The following HIPK2 variants were observed in gnomAD, a reference collection of about 807,000 sequenced individuals.
HIPK2 encodes the protein homeodomain-interacting protein kinase 2.
A neutral mutation model predicts 113.7 loss-of-function variants in HIPK2; 27 were observed. The ratio of observed to expected loss-of-function variants is 0.24; its 90% CI spans 0.17 to 0.33. HIPK2 has a LOEUF of 0.33. HIPK2 is among the 10% of genes least tolerant of loss of function. The pLI is 1.00. For synonymous variants in HIPK2, 631 were observed against 642.2 expected (o/e 0.98, Z 0.26); for missense variants, 1,257 against 1,588.0 (o/e 0.79, Z 3.54).
intron 2 of HIPK2, among the ~76,000 whole-genome samples, chr7:139,709,179 A>G (rs1223555741): frequency 6.6e-6 from 1 of 152,216 alleles, no homozygotes; most frequent in Non-Finnish European, 1.5e-5. Context: ...GTACGTATTT[A>G]TAACAGTCTC....
chr7:139,649,763 G>C (rs1801388933), intron 2 of HIPK2, among the ~76,000 whole-genome samples: 1 of 152,116 alleles, frequency 6.6e-6, no homozygotes, highest in Admixed American at 6.5e-5. Context: ...CCAAAGCAGG[G>C]ACTACTCTTT....
intron 1 of HIPK2, among the ~76,000 whole-genome samples, chr7:139,734,525 T>C (rs1276999307): frequency 6.6e-6 from 1 of 152,174 alleles, no homozygotes; most frequent in Admixed American, 6.5e-5. Flanking sequence ...AAATGGACTT[T>C]CCACACCCTG....
chr7:139,687,215 A>G (rs1308167212), intron 2 of HIPK2, among the ~76,000 whole-genome samples: 3 of 152,272 alleles, frequency 2.0e-5, no homozygotes, highest in Non-Finnish European at 4.4e-5. Context: ...AGCTGGGATT[A>G]AAGGTGCAAG....
At chr7:139,625,801 G>A (rs1569457552) in intron 6 of HIPK2, among the ~76,000 whole-genome samples, 1 of 152,182 alleles carries the variant, frequency 6.6e-6, no homozygotes, top group East Asian at 1.9e-4. Flanking sequence ...AAGCTCCAGT[G>A]GGCAGGGCCG....
At chr7:139,587,700 G>A (rs1270478107) in intron 12 of HIPK2, among the ~76,000 whole-genome samples, 3 of 151,830 alleles carry the variant, frequency 2.0e-5, no homozygotes, top group East Asian at 1.9e-4. Context: ...GCAACACAGT[G>A]AGATCCCACC....
At chr7:139,689,181 G>A (rs989376518) in intron 2 of HIPK2, among the ~76,000 whole-genome samples, 2 of 152,200 alleles carry the variant, frequency 1.3e-5, no homozygotes, top group Non-Finnish European at 2.9e-5. Context: ...TGCTCCCCAA[G>A]AGCTGGGGAA....
chr7:139,637,127 C>T (rs1585309270), intron 2 of HIPK2, among the ~76,000 whole-genome samples: 7 of 152,374 alleles, frequency 4.6e-5, no homozygotes, highest in African/African-American at 1.7e-4. Context: ...TCCATCCCCC[C>T]TGCCGCAGCA....
At chr7:139,650,928 G>A (rs1801435779) in intron 2 of HIPK2, among the ~76,000 whole-genome samples, 1 of 152,254 alleles carries the variant, frequency 6.6e-6, no homozygotes, top group Non-Finnish European at 1.5e-5. Context: ...CCTCATGACA[G>A]AACTGGAGTG....
chr7:139,761,873 A>T (rs958484367), intron 1 of HIPK2, among the ~76,000 whole-genome samples: 1 of 152,200 alleles, frequency 6.6e-6, no homozygotes, highest in Non-Finnish European at 1.5e-5. Flanking sequence ...GGTTAAAAAA[A>T]TGTGCACACA....
chr7:139,670,759 C>CTTTCT (rs1802252141), intron 2 of HIPK2, among the ~76,000 whole-genome samples: 2 of 46,408 alleles, frequency 4.3e-5, no homozygotes, highest in South Asian at 7.7e-4. Context: ...TTCTTTCTTT[C>CTTTCT]TTTTTTTTTT....
chr7:139,625,128 T>C (rs1000818168), intron 6 of HIPK2, among the ~76,000 whole-genome samples: 1 of 152,202 alleles, frequency 6.6e-6, no homozygotes, highest in African/African-American at 2.4e-5. Flanking sequence ...ATCCTTCCAA[T>C]GACACTGGCC....
At chr7:139,653,046 C>T (rs1483985138) in intron 2 of HIPK2, among the ~76,000 whole-genome samples, 1 of 142,922 alleles carries the variant, frequency 7.0e-6, no homozygotes, top group Admixed American at 7.5e-5. Flanking sequence ...GGCTGAGGCA[C>T]AAGAATGGCT....
In HIPK2 at chr7:139,561,906, G is replaced by A. The variant is rs910531694; in HGVS notation, c.*11021C>T. On this transcript the variant is annotated 3_prime_UTR_variant, in exon 15 of 15. Transcript: ENST00000406875. ...TAAATTCACTCCATTTTTCTACAACGAAAATGATTAATTTAGAAGCACACG... is the reference window on the plus strand; with the variant it reads ...TAAATTCACTCCATTTTTCTACAACAAAAATGATTAATTTAGAAGCACACG... 3.3e-5 allele frequency: 5 copies of A among 151,918 alleles called. No individual in the cohort carries two copies. The highest frequency in any genetic ancestry group is 5.9e-5 in the Non-Finnish European group (4 of 67,980). 9.4% of individuals were successfully genotyped at this position (151,918 alleles called of 1,614,324 possible). A position where few individuals can be genotyped will look rare whatever the true frequency, so the allele number is the denominator to read the frequency against.
At chr7:139,753,541 G>T (rs1162019243) in intron 1 of HIPK2, among the ~76,000 whole-genome samples, 1 of 152,208 alleles carries the variant, frequency 6.6e-6, no homozygotes, top group Non-Finnish European at 1.5e-5. Context: ...TGGAACCATC[G>T]AGGGAGATTA....
intron 2 of HIPK2, among the ~76,000 whole-genome samples, chr7:139,713,265 G>A (rs2116928673): frequency 6.6e-6 from 1 of 152,270 alleles, no homozygotes; most frequent in East Asian, 1.9e-4. Context: ...ACAGAGGGGG[G>A]CAGGAGAGGA....
rs540146888 is a variant in HIPK2, at chr7:139,725,886, T to C, written c.20-8871A>G. 9.8e-5 allele frequency among the ~76,000 whole-genome samples: 15 copies of C among 152,358 alleles called. No homozygotes were observed. The South Asian group carries it at 3.1e-3, about 32-fold the overall frequency. ...GAGGTCTGCCTGACTCCCAAATCCA[T>C]GCCACCAGCCAAACTTCTTCATTCT... On this transcript the variant is annotated intron_variant, in intron 1 of 14. Transcript: ENST00000406875.
At chr7:139,589,298 G>A (rs1798938453) in intron 12 of HIPK2, among the ~76,000 whole-genome samples, 1 of 152,064 alleles carries the variant, frequency 6.6e-6, no homozygotes, top group East Asian at 1.9e-4. Flanking sequence ...ATCTGGAGAG[G>A]AAAGAGATCC....
chr7:139,575,475 G>A (rs1253233617), intron 13 of HIPK2, 187 bp from the exon 14 acceptor site: 1 of 212,558 alleles, frequency 4.7e-6, no homozygotes, highest in African/African-American at 2.4e-5. Context: ...GTGGGGCTCT[G>A]GCTCACTCCC....
chr7:139,575,832 T>C (rs1798473136), intron 13 of HIPK2, among the ~76,000 whole-genome samples: 1 of 152,212 alleles, frequency 6.6e-6, no homozygotes, highest in South Asian at 2.1e-4. Flanking sequence ...GCTTTTTTGA[T>C]GAAAACAAGT....
Sources: allele counts gnomAD v4.1 joint callset (sites outside exome capture counted in the v4.1 genomes callset), GRCh38; gene constraint gnomAD v4.1.1; transcripts MANE v1.5; gene names NCBI Gene and HGNC (gene_info 2026-07-23, HGNC 2026-07-21).